Variants in CDH9 observed in about 807,000 individuals in gnomAD.
CDH9 encodes cadherin 9, also known as cadherin-9.
Under a neutral mutation model 70.9 loss-of-function variants are expected in CDH9, and 28 were observed. The observed-to-expected ratio is 0.40, with a 90% CI of 0.29 to 0.54. The LOEUF (loss-of-function observed/expected upper bound fraction) is 0.54, where lower values mean the gene tolerates loss of function less well. Ranked by LOEUF, CDH9 falls within the 20% of genes least tolerant of loss-of-function variation. The pLI, the probability that CDH9 is intolerant of heterozygous loss-of-function variation, is 0.59. For synonymous variants in CDH9, 409 were observed against 343.1 expected, an observed-to-expected ratio of 1.19 and a Z score of -2.12; for missense variants, 874 against 984.4, an observed-to-expected ratio of 0.89 and a Z score of 1.50.
chr5:26,997,423 G>A (rs1742685253), intron 1 of CDH9, among the ~76,000 whole-genome samples: 1 of 152,088 alleles, frequency 6.6e-6, no homozygotes, highest in African/African-American at 2.4e-5. Context: ...TGTCCATCTT[G>A]GAGATGGCCA....
chr5:27,021,139 C>G (rs1743131219), intron 1 of CDH9, among the ~76,000 whole-genome samples: 1 of 151,688 alleles, frequency 6.6e-6, no homozygotes, highest in African/African-American at 2.4e-5. Context: ...AGGGGAGTCT[C>G]TCCTATTTTC....
chr5:26,912,926 A>C (rs1741078335), intron 3 of CDH9, among the ~76,000 whole-genome samples: 1 of 152,054 alleles, frequency 6.6e-6, no homozygotes, highest in African/African-American at 2.4e-5. Context: ...AAGACATCTG[A>C]TGGTTTTAAA....
At chr5:27,027,907 A>G (rs150025090) in intron 1 of CDH9, among the ~76,000 whole-genome samples, 2 of 152,206 alleles carry the variant, frequency 1.3e-5, no homozygotes, top group East Asian at 1.9e-4. Flanking sequence ...TAAGCAGTCC[A>G]TACATTTTTG....
chr5:26,952,043 C>T (rs190529585), intron 2 of CDH9, among the ~76,000 whole-genome samples: 2 of 142,506 alleles, frequency 1.4e-5, no homozygotes, highest in Non-Finnish European at 3.0e-5. Context: ...TGCAGTGGCG[C>T]GATGTTGGCT....
chr5:26,997,211 A>T (rs758087546), intron 1 of CDH9, among the ~76,000 whole-genome samples: 10 of 152,168 alleles, frequency 6.6e-5, no homozygotes, highest in Non-Finnish European at 1.3e-4. Context: ...GAGCTAGTTT[A>T]ATAAATAAAC....
intron 2 of CDH9, among the ~76,000 whole-genome samples, chr5:26,932,381 C>T (rs78028436): frequency 6.8e-4 from 103 of 151,608 alleles, no homozygotes; most frequent in South Asian, 6.1e-3. Flanking sequence ...ATTTTTCATA[C>T]GAGCCCCAGT....
chr5:27,014,746 A>T (rs113234412), intron 1 of CDH9, among the ~76,000 whole-genome samples: 3,312 of 151,928 alleles, frequency 0.022, 135 homozygotes, highest in African/African-American at 0.075. Flanking sequence ...CAGTTCATGG[A>T]TTATAATTAT....
rs777294478 is a variant in CDH9 at position 26,890,543 on chromosome 5, A to C, written c.1275T>G (p.Thr425=). The change falls in exon 8 of 12, where the codon ACT becomes ACG. Residue 425 remains threonine, a synonymous_variant. Coordinates refer to ENST00000231021, the MANE Select transcript of CDH9 (RefSeq NM_016279.4). ...GAATACCAAAAATACGGTCCATATC[A>C]GTATGCCGATCAACAGAGTACCTGG... The part of the protein sequence containing the change: ...NLIKYSVDRH[T]DMDRIFGIHS... The C allele has an allele frequency of 1.9e-6, 3 of 1,607,868 alleles. No individual in the cohort carries two copies. The highest frequency in any genetic ancestry group is 2.6e-6 in the Non-Finnish European group (3 of 1,174,394).
Position 26,885,701 on chromosome 5 carries a change from A to C in CDH9, c.1795T>G (p.Ser599Ala). ...AGGATCAGGGCTTCTGCGGTGCAGGATTGCATGTTTCCTTGATTATCGCAG... is the reference window on the plus strand; with the variant it reads ...AGGATCAGGGCTTCTGCGGTGCAGGCTTGCATGTTTCCTTGATTATCGCAG... ...CACDNQGNMQ[S>A]CTAEALILSA... The change falls in exon 11 of 12, where the codon TCC becomes GCC. Residue 599 changes from serine (S) to alanine (A), a missense_variant. Physicochemically the swap from Ser to Ala is moderately conservative, Grantham distance 99 (BLOSUM62 1). Transcript: ENST00000231021. 1 of 1,613,554 alleles carries C rather than the reference A, an allele frequency of 6.2e-7. No individual in the cohort carries two copies. Among genetic ancestry groups the C allele is most frequent in the East Asian group, 2.2e-5 (1 of 44,828 alleles).
intron 9 of CDH9, 46 bp from the exon 10 acceptor site, chr5:26,886,129 T>C (rs757187576): frequency 2.6e-6 from 4 of 1,540,052 alleles, no homozygotes; most frequent in Admixed American, 2.2e-5. Flanking sequence ...TAAGGCAATG[T>C]TCTTGTTATT....
At chr5:26,939,781 G>T (rs1334257445) in intron 2 of CDH9, among the ~76,000 whole-genome samples, 2 of 152,056 alleles carry the variant, frequency 1.3e-5, no homozygotes, top group African/African-American at 4.8e-5. Flanking sequence ...ATATACCATA[G>T]AGAATTGTTT....
chr5:27,008,699 A>G (rs78646888), intron 1 of CDH9, among the ~76,000 whole-genome samples: 10,817 of 152,162 alleles, frequency 0.071, 584 homozygotes, highest in South Asian at 0.22. Flanking sequence ...TGCCATTTTA[A>G]AGACATAAGC....
chr5:26,882,760 A>G (rs1740487895), intron 11 of CDH9, among the ~76,000 whole-genome samples: 2 of 151,772 alleles, frequency 1.3e-5, no homozygotes, highest in African/African-American at 2.4e-5. Context: ...CTTCACAGAA[A>G]ATAAGAAAAT....
chr5:26,947,750 T>C (rs1741778391), intron 2 of CDH9, among the ~76,000 whole-genome samples: 1 of 152,026 alleles, frequency 6.6e-6, no homozygotes. Context: ...GCACACCACA[T>C]AGGCACATCT....
Position 26,903,829 on chromosome 5 carries a change from A to G in CDH9, c.812-5T>C, listed in dbSNP as rs370702087. 1.6e-5 allele frequency: 23 copies of G among 1,469,400 alleles called. No homozygotes were observed. In the African/African-American group the frequency reaches 2.2e-4, roughly 14 times the overall value. 91.0% of individuals were successfully genotyped at this position (1,469,400 alleles called of 1,614,324 possible). A position where few individuals can be genotyped will look rare whatever the true frequency, so the allele number is the denominator to read the frequency against. On this transcript the variant is annotated splice_polypyrimidine_tract_variant and splice_region_variant and intron_variant, in intron 5 of 11. Transcript: ENST00000231021. Reference sequence around the variant, plus strand: ...GAGAATTAAATTGATACGTACCTATAAATTAAGTAAGAGCTGTTTTGACAT... The same window carrying G: ...GAGAATTAAATTGATACGTACCTATGAATTAAGTAAGAGCTGTTTTGACAT...
intron 1 of CDH9, among the ~76,000 whole-genome samples, chr5:27,002,448 C>T (rs1220297153): frequency 6.6e-6 from 1 of 152,144 alleles, no homozygotes; most frequent in African/African-American, 2.4e-5. Flanking sequence ...ATAAATCATG[C>T]TGCTATAAAG....
At chr5:26,929,081 A>C (rs1741395868) in intron 2 of CDH9, among the ~76,000 whole-genome samples, 1 of 152,028 alleles carries the variant, frequency 6.6e-6, no homozygotes, top group Non-Finnish European at 1.5e-5. Context: ...AAAAATGCAA[A>C]CTATTCATCT....
intron 2 of CDH9, among the ~76,000 whole-genome samples, chr5:26,976,470 G>A (rs1009182345): frequency 6.6e-6 from 1 of 152,066 alleles, no homozygotes; most frequent in African/African-American, 2.4e-5. Context: ...ATTTGAGACA[G>A]GGTCTCACCC....
At chr5:27,024,847 G>A (rs192475176) in intron 1 of CDH9, among the ~76,000 whole-genome samples, 108 of 152,136 alleles carry the variant, frequency 7.1e-4, no homozygotes, top group Middle Eastern at 6.8e-3. Context: ...TGAAAACATA[G>A]GGCTAGTAGT....
Sources: gnomAD v4.1 joint callset for allele counts (sites outside exome capture counted in the v4.1 genomes callset) on GRCh38, gnomAD v4.1.1 for gene constraint, MANE v1.5 for transcripts, NCBI Gene and HGNC (gene_info 2026-07-23, HGNC 2026-07-21) for gene names.